Variants in TMEM232 observed in about 807,000 individuals in gnomAD.
TMEM232 encodes transmembrane protein 232.
Under a neutral mutation model 78.8 loss-of-function variants are expected in TMEM232, and 80 were observed. The observed-to-expected ratio is 1.01, with a 90% CI of 0.85 to 1.22. TMEM232 has a LOEUF of 1.22. Ranked by LOEUF, TMEM232 falls within the 50% of genes most tolerant of loss-of-function variation. The pLI, the probability that TMEM232 is intolerant of heterozygous loss-of-function variation, is 0.00. For synonymous variants in TMEM232, 297 were observed against 254.3 expected, an observed-to-expected ratio of 1.17 and a Z score of -1.60; for missense variants, 881 against 742.2, an observed-to-expected ratio of 1.19 and a Z score of -2.17.
chr5:110,483,529 C>G (rs1764126746), intron 12 of TMEM232, among the ~76,000 whole-genome samples: 1 of 151,650 alleles, frequency 6.6e-6, no homozygotes, highest in African/African-American at 2.4e-5. Flanking sequence ...TGTTCTCACT[C>G]ATAGGTGGGA....
intron 12 of TMEM232, among the ~76,000 whole-genome samples, chr5:110,450,208 C>A (rs1343943288): frequency 6.6e-6 from 1 of 152,130 alleles, no homozygotes; most frequent in African/African-American, 2.4e-5. Flanking sequence ...AACTGTGAGT[C>A]AATTAATCCT....
intron 12 of TMEM232, among the ~76,000 whole-genome samples, chr5:110,516,660 TAAAGA>T (rs1768706239): frequency 1.3e-5 from 2 of 152,222 alleles, no homozygotes; most frequent in South Asian, 2.1e-4. Flanking sequence ...TCCACCAGCT[TAAAGA>T]AAAGTAAAAA....
upstream of TMEM232, among the ~76,000 whole-genome samples, chr5:110,728,708 A>G (rs1798385731): frequency 6.7e-6 from 1 of 148,428 alleles, no homozygotes; most frequent in Non-Finnish European, 1.5e-5. Context: ...ATTATTATAT[A>G]TATACCTATA....
chr5:110,432,039 GAAGT>G (rs1757914686), intron 12 of TMEM232, among the ~76,000 whole-genome samples: 1 of 151,630 alleles, frequency 6.6e-6, no homozygotes, highest in African/African-American at 2.4e-5. Flanking sequence ...TACAGTAAGT[GAAGT>G]CCAGATGCAA....
At chr5:110,441,195 TTG>T (rs1259122603) in intron 12 of TMEM232, among the ~76,000 whole-genome samples, 3 of 152,126 alleles carry the variant, frequency 2.0e-5, no homozygotes, top group African/African-American at 7.2e-5. Context: ...GTCCTGTACC[TTG>T]TGAGACATTT....
intron 11 of TMEM232, among the ~76,000 whole-genome samples, chr5:110,549,048 G>A (rs972091443): frequency 6.6e-6 from 1 of 151,844 alleles, no homozygotes; most frequent in East Asian, 1.9e-4. Context: ...ACAGAAATTA[G>A]AAAAGTTTTT....
chr5:110,449,519 A>G (rs1229966352), intron 12 of TMEM232, among the ~76,000 whole-genome samples: 1 of 149,904 alleles, frequency 6.7e-6, no homozygotes, highest in African/African-American at 2.5e-5. Flanking sequence ...CTATTTGCTG[A>G]GACTTTTTTT....
intron 11 of TMEM232, among the ~76,000 whole-genome samples, chr5:110,543,241 T>C (rs78992309): frequency 0.041 from 6,078 of 147,028 alleles, 341 homozygotes; most frequent in East Asian, 0.26. Flanking sequence ...AGGCTATAGA[T>C]ACAGATGCCA....
rs754421551 is a variant in TMEM232 at position 110,568,440 on chromosome 5, A to G, written c.1455+7T>C. 18 of 1,531,386 alleles carry G rather than the reference A, an allele frequency of 1.2e-5. No individual in the cohort carries two copies. Among genetic ancestry groups the G allele is most frequent in the Middle Eastern group, 1.7e-4 (1 of 5,910 alleles). 94.9% of individuals were successfully genotyped at this position (1,531,386 alleles called of 1,614,324 possible). ...GTACATATTTATTGCCCAGTGTTTTACCTTACCTGAGCTATATTGATTGCA... is the reference window on the plus strand; with the variant it reads ...GTACATATTTATTGCCCAGTGTTTTGCCTTACCTGAGCTATATTGATTGCA... On this transcript the variant is annotated splice_region_variant and intron_variant, in intron 11 of 13. Transcript: ENST00000455884.
At chr5:110,738,467 C>T (rs1799449470), upstream of TMEM232, among the ~76,000 whole-genome samples, 1 of 152,148 alleles carries the variant, frequency 6.6e-6, no homozygotes, top group South Asian at 2.1e-4. Context: ...TCACCCCCGA[C>T]GTGCACTTCA....
chr5:110,476,757 C>T (rs186219046), intron 12 of TMEM232, among the ~76,000 whole-genome samples: 28 of 152,100 alleles, frequency 1.8e-4, no homozygotes, highest in Admixed American at 1.5e-3. Context: ...CACGTTTGGA[C>T]ATTCTAATGT....
chr5:110,541,402 C>T (rs1432910581), intron 11 of TMEM232, among the ~76,000 whole-genome samples: 2 of 152,152 alleles, frequency 1.3e-5, no homozygotes, highest in Non-Finnish European at 2.9e-5. Context: ...GATAACTTTA[C>T]TGGTTGGGTC....
intron 8 of TMEM232, among the ~76,000 whole-genome samples, chr5:110,606,610 A>G (rs1378938259): frequency 2.0e-5 from 3 of 151,944 alleles, no homozygotes; most frequent in Non-Finnish European, 2.9e-5. Context: ...AAAACTCACA[A>G]TAGGTTTTAA....
chr5:110,583,791 A>G (rs754153643), intron 10 of TMEM232, among the ~76,000 whole-genome samples: 8 of 151,830 alleles, frequency 5.3e-5, no homozygotes, highest in Non-Finnish European at 1.2e-4. Context: ...ATAGTAAAAT[A>G]AAACTAATAA....
At chr5:110,688,590 G>A (rs144437041) in intron 1 of TMEM232, among the ~76,000 whole-genome samples, 1 of 152,196 alleles carries the variant, frequency 6.6e-6, no homozygotes, top group African/African-American at 2.4e-5. Flanking sequence ...GCCTAACTGT[G>A]GCCCATAAGA....
intron 10 of TMEM232, among the ~76,000 whole-genome samples, chr5:110,570,650 A>T (rs1776838303): frequency 6.6e-6 from 1 of 152,090 alleles, no homozygotes; most frequent in Admixed American, 6.6e-5. Context: ...GATATCTGAA[A>T]AAAGGTTAGC....
intron 11 of TMEM232, among the ~76,000 whole-genome samples, chr5:110,544,143 T>A (rs1257479355): frequency 1.3e-5 from 2 of 152,226 alleles, no homozygotes; most frequent in African/African-American, 4.8e-5. Context: ...CTATGAAGAT[T>A]ATAAAAATTC....
At chr5:110,558,626 T>A (rs1194923201) in intron 11 of TMEM232, among the ~76,000 whole-genome samples, 1 of 152,052 alleles carries the variant, frequency 6.6e-6, no homozygotes, top group South Asian at 2.1e-4. Context: ...ACAGGTAAGA[T>A]AGCCCTGTTC....
At position 110,618,498 on chromosome 5, in the gene TMEM232, T is replaced by C. The variant is rs2149893013; in HGVS notation, c.833A>G (p.Asn278Ser). The C allele has an allele frequency of 6.4e-7, 1 of 1,551,718 alleles. No individual in the cohort carries two copies. Among genetic ancestry groups the C allele is most frequent in the African/African-American group, 1.4e-5 (1 of 73,160 alleles). Residue 278 changes from asparagine (N) to serine (S), a missense_variant, in exon 8 of 14, where the codon AAC becomes AGC. By Grantham distance (46) the Asn-to-Ser change is conservative (BLOSUM62 1). Coordinates refer to ENST00000455884, the MANE Select transcript of TMEM232 (RefSeq NM_001039763.4). Reference sequence around the variant, plus strand: ...AAGCACGTTATTCAACTGAGGACTGTTATTCTGAACACAAGACCAAGCAGC... The same window carrying C: ...AAGCACGTTATTCAACTGAGGACTGCTATTCTGAACACAAGACCAAGCAGC... ...CVAAWSCVQN[N>S]SPQLNNVLEH...
Sources: gnomAD v4.1 joint callset for allele counts (sites outside exome capture counted in the v4.1 genomes callset) on GRCh38, gnomAD v4.1.1 for gene constraint, MANE v1.5 for transcripts, NCBI Gene and HGNC (gene_info 2026-07-23, HGNC 2026-07-21) for gene names.